Variants in PUDP observed in about 807,000 individuals in gnomAD.
PUDP encodes pseudouridine-5'-phosphatase.
A neutral mutation model predicts 9.4 loss-of-function variants in PUDP; 8 were observed. That is an observed-to-expected ratio of 0.85 (90% CI 0.50 to 1.53). The LOEUF (loss-of-function observed/expected upper bound fraction) is 1.53, where lower values mean the gene tolerates loss of function less well. Ranked by LOEUF, PUDP falls within the 40% of genes most tolerant of loss-of-function variation. The pLI is 0.00. For missense variants in PUDP, 188 were observed against 189.7 expected, an observed-to-expected ratio of 0.99 and a Z score of 0.05; for synonymous variants, 99 against 80.7, an observed-to-expected ratio of 1.23 and a Z score of -1.22.
intron 3 of PUDP, among the ~76,000 whole-genome samples, chrX:6,808,316 G>T (rs1164279151): frequency 1.8e-5 from 2 of 111,708 alleles, no homozygotes; most frequent in Admixed American, 9.6e-5. Context: ...GAATATCCAC[G>T]TTCCCATCCA....
At chrX:6,887,144 TAATTATTTAA>T (rs1449855417) in intron 3 of PUDP, among the ~76,000 whole-genome samples, 1 of 73,980 alleles carries the variant, frequency 1.4e-5, no homozygotes, top group Non-Finnish European at 3.2e-5. Context: ...TGATTTAATT[TAATTATTTAA>T]TTTAATTTAT....
upstream of PUDP, among the ~76,000 whole-genome samples, chrX:6,723,083 A>G (rs769209746): frequency 5.9e-4 from 65 of 110,919 alleles, no homozygotes; most frequent in Non-Finnish European, 1.0e-3. Flanking sequence ...AATAACCAAC[A>G]ATACACAAAG....
chrX:6,732,158 C>G, intron 3 of PUDP, among the ~76,000 whole-genome samples: 1 of 111,271 alleles, frequency 9.0e-6, no homozygotes, highest in Non-Finnish European at 1.9e-5. Flanking sequence ...GAGGCTGTTC[C>G]AGGCATCTCT....
intron 2 of PUDP, among the ~76,000 whole-genome samples, chrX:7,078,575 G>A (rs1209586175): frequency 8.9e-6 from 1 of 112,485 alleles, no homozygotes; most frequent in Non-Finnish European, 1.9e-5. Context: ...TTACAGGCAT[G>A]AGCTACCACG....
chrX:6,798,849 G>A, intron 3 of PUDP, among the ~76,000 whole-genome samples: 1 of 112,193 alleles, frequency 8.9e-6, no homozygotes, highest in East Asian at 2.8e-4. Context: ...GCAGTAGCAT[G>A]ATCATAGCTC....
chrX:7,108,880 A>G (rs1931959169), intron 1 of PUDP, among the ~76,000 whole-genome samples: 1 of 111,845 alleles, frequency 8.9e-6, no homozygotes. Context: ...AGTTTGCTGT[A>G]AAACACACCA....
rs771937993 is a variant in PUDP at position 6,818,887 on chromosome X, T to C, written c.*248-112421A>G. ...AATCATTGATTCTTCGTAAGCCTGC[T>C]TTCCCATGATTTAACAAATTTTAAT... is the stretch of plus-strand genomic sequence containing the variant. On this transcript the variant is annotated intron_variant and NMD_transcript_variant, in intron 3 of 3. Coordinates refer to the PUDP transcript ENST00000655425. 8.0e-5 allele frequency among the ~76,000 whole-genome samples: 9 copies of C among 112,168 alleles called. 1 individual carries two copies. The East Asian group carries it at 2.5e-3, about 31-fold the overall frequency.
chrX:6,798,122 T>A (rs1376071885), intron 3 of PUDP, among the ~76,000 whole-genome samples: 1 of 112,145 alleles, frequency 8.9e-6, no homozygotes, highest in African/African-American at 3.2e-5. Context: ...GGGTAATTTA[T>A]AAAGGAAAGA....
At chrX:6,801,713 T>A (rs913862399) in intron 3 of PUDP, among the ~76,000 whole-genome samples, 3 of 111,756 alleles carry the variant, frequency 2.7e-5, no homozygotes, top group African/African-American at 9.8e-5. Flanking sequence ...GAAACCCCAG[T>A]TAGAATAATT....
At chrX:7,056,845 G>A (rs1443923006) in intron 3 of PUDP, among the ~76,000 whole-genome samples, 3 of 112,345 alleles carry the variant, frequency 2.7e-5, no homozygotes, top group Non-Finnish European at 5.6e-5. Flanking sequence ...TGGAGGTCAT[G>A]CAGTCAGGCG....
At chrX:6,827,074 C>T (rs961363865) in intron 3 of PUDP, among the ~76,000 whole-genome samples, 2 of 111,878 alleles carry the variant, frequency 1.8e-5, no homozygotes, top group Admixed American at 9.5e-5. Context: ...GCCTAAGTGG[C>T]GACTCTACCT....
chrX:6,799,285 T>C (rs1035893728), intron 3 of PUDP, among the ~76,000 whole-genome samples: 5 of 112,380 alleles, frequency 4.4e-5, no homozygotes, highest in Admixed American at 9.5e-5. Flanking sequence ...GACTCACTTA[T>C]GTAGCTGTTA....
intron 3 of PUDP, among the ~76,000 whole-genome samples, chrX:6,815,642 C>T (rs995152354): frequency 9.0e-6 from 1 of 110,881 alleles, no homozygotes; most frequent in Non-Finnish European, 1.9e-5. Context: ...CGTGTCCAGG[C>T]GTGAGAACCT....
chrX:7,064,178 G>A (rs1363866953), intron 3 of PUDP, among the ~76,000 whole-genome samples: 5 of 111,363 alleles, frequency 4.5e-5, no homozygotes, highest in Non-Finnish European at 7.5e-5. Flanking sequence ...AGAACAGAAC[G>A]TGAACAGAAG....
chrX:6,971,885 T>C (rs937198725), intron 3 of PUDP, among the ~76,000 whole-genome samples: 2 of 112,178 alleles, frequency 1.8e-5, no homozygotes, highest in African/African-American at 6.5e-5. Flanking sequence ...TCCTCTTGTT[T>C]CCTTGAGCAA....
intron 1 of PUDP, 69 bp downstream of exon 1, chrX:7,147,984 C>T: frequency 1.2e-6 from 1 of 867,208 alleles, no homozygotes; most frequent in Non-Finnish European, 1.6e-6. Context: ...CGTGACGTAC[C>T]CCGCGCCGAC....
intron 1 of PUDP, among the ~76,000 whole-genome samples, chrX:7,147,592 G>A (rs781186293): frequency 6.6e-4 from 74 of 112,483 alleles, no homozygotes; most frequent in Admixed American, 6.4e-3. Flanking sequence ...CAGCAACCTT[G>A]GAGCAGGCAG....
intron 2 of PUDP, among the ~76,000 whole-genome samples, chrX:7,092,041 G>A (rs1569157581): frequency 8.9e-6 from 1 of 112,608 alleles, no homozygotes; most frequent in Admixed American, 9.4e-5. Context: ...TTAACTCATC[G>A]TAGAGAATGC....
chrX:7,098,929 G>T (rs751202370), intron 2 of PUDP, among the ~76,000 whole-genome samples: 1 of 110,231 alleles, frequency 9.1e-6, no homozygotes, highest in African/African-American at 3.3e-5. Flanking sequence ...GCAGGGGAGA[G>T]CCGGCCAAGA....
Sources: allele counts gnomAD v4.1 joint callset (sites outside exome capture counted in the v4.1 genomes callset), GRCh38; gene constraint gnomAD v4.1.1; transcripts MANE v1.5; gene names NCBI Gene and HGNC (gene_info 2026-07-23, HGNC 2026-07-21).